SORCS1: variants seen among roughly 807,000 people sequenced by gnomAD.
SORCS1 encodes VPS10 domain-containing receptor SorCS1.
SORCS1 carries 60 observed loss-of-function variants against 146.1 expected under a neutral mutation model. The ratio of observed to expected loss-of-function variants is 0.41; its 90% CI spans 0.33 to 0.51. The LOEUF is 0.51. Among genes scored for constraint, SORCS1 ranks in the 20% least tolerant of loss-of-function variants. The pLI, the probability that SORCS1 is intolerant of heterozygous loss-of-function variation, is 0.21. For missense variants in SORCS1, 1,352 were observed against 1,487.6 expected (o/e 0.91, Z 1.50); for synonymous variants, 637 against 584.0 (o/e 1.09, Z -1.31).
chr10:107,015,651 G>A (rs1361711556), intron 1 of SORCS1, among the ~76,000 whole-genome samples: 2 of 152,132 alleles, frequency 1.3e-5, no homozygotes, highest in Admixed American at 1.3e-4. Context: ...GCAACACATG[G>A]CCTCCTGGCT....
chr10:106,623,703 C>T (rs557540210), intron 19 of SORCS1, among the ~76,000 whole-genome samples: 116 of 151,500 alleles, frequency 7.7e-4, no homozygotes, highest in Middle Eastern at 3.4e-3. Context: ...TCTCCCTCTG[C>T]TGCCCAGGCT....
At chr10:106,601,995 T>C (rs1449027512) in intron 23 of SORCS1, among the ~76,000 whole-genome samples, 1 of 152,054 alleles carries the variant, frequency 6.6e-6, no homozygotes, top group Non-Finnish European at 1.5e-5. Context: ...ACATTCAACA[T>C]CCAAACAATT....
intron 1 of SORCS1, among the ~76,000 whole-genome samples, chr10:107,090,754 C>A (rs1454782084): frequency 6.6e-6 from 1 of 152,138 alleles, no homozygotes; most frequent in Non-Finnish European, 1.5e-5. Flanking sequence ...AACCAAAGCC[C>A]TTATTTTGAT....
chr10:106,857,715 A>T (rs1183387072), intron 2 of SORCS1, among the ~76,000 whole-genome samples: 1 of 152,216 alleles, frequency 6.6e-6, no homozygotes, highest in East Asian at 1.9e-4. Context: ...TCATTGACAG[A>T]TTTTTTTTAA....
At chr10:106,905,634 A>G (rs1951878393) in intron 2 of SORCS1, among the ~76,000 whole-genome samples, 1 of 152,202 alleles carries the variant, frequency 6.6e-6, no homozygotes, top group Non-Finnish European at 1.5e-5. Flanking sequence ...AAAGGAAAAC[A>G]TTTGCAAAAC....
intron 1 of SORCS1, among the ~76,000 whole-genome samples, chr10:106,994,074 A>AG (rs1956891247): frequency 1.3e-5 from 2 of 150,284 alleles, no homozygotes; most frequent in African/African-American, 5.0e-5. Flanking sequence ...AAAAAAAAAA[A>AG]AAAAAAAAAA....
intron 6 of SORCS1, among the ~76,000 whole-genome samples, chr10:106,711,417 T>C (rs1037156836): frequency 2.0e-5 from 3 of 152,134 alleles, no homozygotes; most frequent in Non-Finnish European, 4.4e-5. Flanking sequence ...TCACTAAAGA[T>C]TTCTCTTAAG....
chr10:106,896,698 C>G (rs1255125300), intron 2 of SORCS1, among the ~76,000 whole-genome samples: 1 of 151,220 alleles, frequency 6.6e-6, no homozygotes, highest in Non-Finnish European at 1.5e-5. Flanking sequence ...CTTTGACACA[C>G]TAGATCCACT....
At chr10:106,787,364 T>C (rs1447103030) in intron 3 of SORCS1, among the ~76,000 whole-genome samples, 1 of 152,126 alleles carries the variant, frequency 6.6e-6, no homozygotes, top group Non-Finnish European at 1.5e-5. Context: ...AAAAGGCCAT[T>C]TAGGTCTGAA....
Position 107,071,035 on chromosome 10 carries a change from G to A in SORCS1, c.558+92934C>T, listed in dbSNP as rs552672406. Among the ~76,000 whole-genome samples the A allele has an allele frequency of 3.9e-3, 599 of 152,200 alleles. 3 individuals carry two copies. The highest frequency in any genetic ancestry group is 9.5e-3 in the South Asian group (46 of 4,818). On this transcript the variant is annotated intron_variant, in intron 1 of 25. Coordinates refer to ENST00000263054, the MANE Select transcript of SORCS1 (RefSeq NM_052918.5). ...ACTAAATAATGCAAAAATGCAAAAC[G>A]TAAACATTTGCTTTGGCTATATCCA... is the stretch of plus-strand genomic sequence containing the variant.
At chr10:107,092,076 G>T (rs142974007) in intron 1 of SORCS1, among the ~76,000 whole-genome samples, 262 of 152,272 alleles carry the variant, frequency 1.7e-3, no homozygotes, top group African/African-American at 6.1e-3. Context: ...GATTTAGGAA[G>T]GAAGATAAAA....
intron 1 of SORCS1, among the ~76,000 whole-genome samples, chr10:106,976,337 T>TTTTTTGTTTTTG (rs1554901362): frequency 6.4e-5 from 9 of 140,386 alleles, no homozygotes; most frequent in African/African-American, 1.9e-4. Context: ...TTTTTTGTTT[T>TTTTTTGTTTTTG]TTTTTTTTTT....
In SORCS1 at chr10:106,829,514, A is replaced by T. The variant is rs1288586200; in HGVS notation, c.726+60T>A. 21 of 1,282,474 alleles carry T rather than the reference A, an allele frequency of 1.6e-5. No individual in the cohort carries two copies. In the Admixed American group the frequency reaches 2.9e-4, roughly 18 times the overall value. The allele number at this position is 1,282,474 out of a possible 1,614,324, so 79.4% of individuals were successfully genotyped here. A position where few individuals can be genotyped will look rare whatever the true frequency, so the allele number is the denominator to read the frequency against. ...GGATTTTTAGGTAGCTAGAGTGGTTAGCCAACCAAGACAGAAGTCACATCA... is the reference window on the plus strand; with the variant it reads ...GGATTTTTAGGTAGCTAGAGTGGTTTGCCAACCAAGACAGAAGTCACATCA... On this transcript the variant is annotated intron_variant, in intron 3 of 25. Coordinates refer to ENST00000263054, the MANE Select transcript of SORCS1 (RefSeq NM_052918.5).
intron 1 of SORCS1, among the ~76,000 whole-genome samples, chr10:107,130,487 C>T (rs1279196809): frequency 1.3e-5 from 2 of 152,156 alleles, no homozygotes; most frequent in African/African-American, 4.8e-5. Context: ...CAAAATCTAT[C>T]CAGAAGAGCA....
chr10:106,884,936 G>A (rs1950938416), intron 2 of SORCS1, among the ~76,000 whole-genome samples: 1 of 152,050 alleles, frequency 6.6e-6, no homozygotes, highest in Non-Finnish European at 1.5e-5. Context: ...GTCAGGGCAG[G>A]GCCTAAACTT....
chr10:106,892,002 C>G (rs1373448838), intron 2 of SORCS1, among the ~76,000 whole-genome samples: 2 of 152,164 alleles, frequency 1.3e-5, no homozygotes, highest in African/African-American at 4.8e-5. Context: ...CTGACCAATT[C>G]ACTCCAAATG....
At chr10:106,981,486 A>G (rs1289395530) in intron 1 of SORCS1, among the ~76,000 whole-genome samples, 1 of 152,212 alleles carries the variant, frequency 6.6e-6, no homozygotes, top group Non-Finnish European at 1.5e-5. Context: ...ACAACTTTCT[A>G]AAGTTCATTT....
At chr10:106,688,574 G>A (rs999102109) in intron 9 of SORCS1, among the ~76,000 whole-genome samples, 3 of 152,034 alleles carry the variant, frequency 2.0e-5, no homozygotes, top group Non-Finnish European at 1.5e-5. Flanking sequence ...GTTTGATAGG[G>A]GTTTCTTATT....
chr10:106,936,258 G>A (rs1953709574), intron 2 of SORCS1, among the ~76,000 whole-genome samples: 2 of 152,102 alleles, frequency 1.3e-5, no homozygotes, highest in African/African-American at 2.4e-5. Flanking sequence ...TATCTCATGG[G>A]CACTCAGTTG....
Sources: allele counts gnomAD v4.1 joint callset (sites outside exome capture counted in the v4.1 genomes callset), GRCh38; gene constraint gnomAD v4.1.1; transcripts MANE v1.5; gene names NCBI Gene and HGNC (gene_info 2026-07-23, HGNC 2026-07-21).